KCND2: variants seen among roughly 807,000 people sequenced by gnomAD.
The protein encoded by KCND2 is potassium voltage-gated channel subfamily D member 2.
A neutral mutation model predicts 54.4 loss-of-function variants in KCND2; 16 were observed. The observed-to-expected ratio is 0.29, with a 90% CI of 0.20 to 0.45. The LOEUF is 0.45. KCND2 is among the 20% of genes least tolerant of loss of function. The probability of loss-of-function intolerance (pLI) is 1.00; values close to 1 mark genes in which losing one functional copy is unlikely to be tolerated. For missense variants in KCND2, 486 were observed against 824.2 expected (o/e 0.59, Z 5.02); for synonymous variants, 317 against 310.7 (o/e 1.02, Z -0.21).
intron 1 of KCND2, among the ~76,000 whole-genome samples, chr7:120,677,530 G>T (rs34590529): frequency 1.3e-3 from 166 of 130,226 alleles, no homozygotes; most frequent in African/African-American, 5.4e-3. Context: ...TATATATATA[G>T]ATATAGATAT....
intron 1 of KCND2, among the ~76,000 whole-genome samples, chr7:120,354,680 G>A (rs1308784100): frequency 7.2e-5 from 11 of 152,190 alleles, no homozygotes; most frequent in Admixed American, 7.2e-4. Context: ...GAGGCCAGAA[G>A]TTCAAGGATG....
At chr7:120,723,561 A>T (rs1256663524) in intron 1 of KCND2, among the ~76,000 whole-genome samples, 2 of 152,142 alleles carry the variant, frequency 1.3e-5, no homozygotes, top group African/African-American at 4.8e-5. Flanking sequence ...GTATTTTAAA[A>T]TGATGGCCAA....
chr7:120,430,842 C>T (rs10245828), intron 1 of KCND2, among the ~76,000 whole-genome samples: 9,342 of 152,266 alleles, frequency 0.061, 882 homozygotes, highest in African/African-American at 0.21. Context: ...CACTATTCCA[C>T]TATCCTTTTT....
chr7:120,506,011 A>G (rs1803011157), intron 1 of KCND2, among the ~76,000 whole-genome samples: 1 of 151,808 alleles, frequency 6.6e-6, no homozygotes, highest in Non-Finnish European at 1.5e-5. Flanking sequence ...AAAAGTATTT[A>G]TTGTATTTTC....
chr7:120,695,043 C>T (rs1792316784), intron 1 of KCND2, among the ~76,000 whole-genome samples: 1 of 152,104 alleles, frequency 6.6e-6, no homozygotes, highest in African/African-American at 2.4e-5. Flanking sequence ...TGACTAGATC[C>T]TTGATTTCCC....
chr7:120,528,469 CAT>C (rs1343191295), intron 1 of KCND2, among the ~76,000 whole-genome samples: 2 of 152,008 alleles, frequency 1.3e-5, no homozygotes, highest in Middle Eastern at 3.2e-3. Flanking sequence ...CTTTGCATAA[CAT>C]ATTAATTTAT....
At chr7:120,700,394 G>A (rs1379088355) in intron 1 of KCND2, among the ~76,000 whole-genome samples, 2 of 152,134 alleles carry the variant, frequency 1.3e-5, no homozygotes, top group East Asian at 3.9e-4. Flanking sequence ...TATTGAAGCT[G>A]GTGTGACACA....
intron 1 of KCND2, among the ~76,000 whole-genome samples, chr7:120,575,422 G>GTT (rs928206698): frequency 2.7e-4 from 41 of 152,174 alleles, no homozygotes; most frequent in Non-Finnish European, 5.1e-4. Context: ...ATCCTTCCAC[G>GTT]TTCCTATGCT....
Position 120,409,438 on chromosome 7 carries a change from A to G in KCND2, c.1115+133691A>G, listed in dbSNP as rs1007384779. 2.0e-5 allele frequency among the ~76,000 whole-genome samples: 3 copies of G among 151,960 alleles called. No individual in the cohort carries two copies. The Admixed American group carries it at 2.0e-4, about 10-fold the overall frequency. ...TATCTGTTTGAGATTGCTAGATAAT[A>G]TACAAATGTTTAACTCTATAAGAAG... On this transcript the variant is annotated intron_variant, in intron 1 of 5. Transcript: ENST00000331113.
intron 1 of KCND2, among the ~76,000 whole-genome samples, chr7:120,727,612 T>A (rs773455039): frequency 6.6e-6 from 1 of 152,200 alleles, no homozygotes; most frequent in Non-Finnish European, 1.5e-5. Flanking sequence ...TGGCAAAATA[T>A]AAAATTTTAG....
At chr7:120,708,799 A>G (rs549733727) in intron 1 of KCND2, among the ~76,000 whole-genome samples, 5 of 152,194 alleles carry the variant, frequency 3.3e-5, no homozygotes, top group African/African-American at 1.2e-4. Context: ...TTCATAGCAC[A>G]TATCATAATG....
At chr7:120,689,336 T>C (rs920720694) in intron 1 of KCND2, among the ~76,000 whole-genome samples, 1 of 152,200 alleles carries the variant, frequency 6.6e-6, no homozygotes, top group African/African-American at 2.4e-5. Context: ...TATGCTGCAA[T>C]ACAAATTTTA....
chr7:120,647,567 T>A (rs1334052911), intron 1 of KCND2, among the ~76,000 whole-genome samples: 1 of 152,208 alleles, frequency 6.6e-6, no homozygotes, highest in African/African-American at 2.4e-5. Flanking sequence ...TCTTTTTGTT[T>A]CTAGTCAGGT....
At chr7:120,568,709 C>T (rs1033270253) in intron 1 of KCND2, among the ~76,000 whole-genome samples, 4 of 152,046 alleles carry the variant, frequency 2.6e-5, no homozygotes, top group Admixed American at 1.3e-4. Flanking sequence ...TAGTAAATTG[C>T]TAAACCTCTG....
chr7:120,527,424 A>G (rs1246467470), intron 1 of KCND2, among the ~76,000 whole-genome samples: 1 of 152,098 alleles, frequency 6.6e-6, no homozygotes, highest in Non-Finnish European at 1.5e-5. Context: ...CTACATCTCT[A>G]GTGAGGTTGC....
At chr7:120,311,188 C>G (rs932113656) in intron 1 of KCND2, among the ~76,000 whole-genome samples, 1 of 152,096 alleles carries the variant, frequency 6.6e-6, no homozygotes, top group Non-Finnish European at 1.5e-5. Context: ...ACATATGCTG[C>G]ATCTTCCTAT....
intron 1 of KCND2, among the ~76,000 whole-genome samples, chr7:120,678,362 T>C (rs1464630644): frequency 6.9e-6 from 1 of 145,110 alleles, no homozygotes; most frequent in Non-Finnish European, 1.5e-5. Flanking sequence ...TATATATATA[T>C]ATATATATAT....
chr7:120,351,404 A>T (rs1027868302), intron 1 of KCND2, among the ~76,000 whole-genome samples: 50 of 134,954 alleles, frequency 3.7e-4, no homozygotes, highest in African/African-American at 1.3e-3. Context: ...ACACACACAC[A>T]CACACACACT....
rs1417262689 is a variant in KCND2 at position 120,577,645 on chromosome 7, G to A, written c.1116-155258G>A. On this transcript the variant is annotated intron_variant, in intron 1 of 5. Coordinates refer to ENST00000331113, the MANE Select transcript of KCND2 (RefSeq NM_012281.3). ...TTGTCACCCAGGCTGGAGTGCAGTGGTGCAATCTCGGCTCACTGCAACCTC... is the reference window on the plus strand; with the variant it reads ...TTGTCACCCAGGCTGGAGTGCAGTGATGCAATCTCGGCTCACTGCAACCTC... Among the ~76,000 whole-genome samples, 5 of 152,288 alleles carry A rather than the reference G, an allele frequency of 3.3e-5. No homozygotes were observed. The South Asian group carries it at 1.0e-3, about 32-fold the overall frequency.
Sources: gnomAD v4.1 joint callset for allele counts (sites outside exome capture counted in the v4.1 genomes callset) on GRCh38, gnomAD v4.1.1 for gene constraint, MANE v1.5 for transcripts, NCBI Gene and HGNC (gene_info 2026-07-23, HGNC 2026-07-21) for gene names.